Variants in PDGFRL observed in about 807,000 individuals in gnomAD.
PDGFRL encodes the protein platelet-derived growth factor receptor-like protein.
A neutral mutation model predicts 37.2 loss-of-function variants in PDGFRL; 46 were observed. The ratio of observed to expected loss-of-function variants is 1.24; its 90% CI spans 0.98 to 1.58. The LOEUF (loss-of-function observed/expected upper bound fraction) is 1.58, where lower values mean the gene tolerates loss of function less well. Among genes scored for constraint, PDGFRL ranks in the 40% most tolerant of loss-of-function variants. PDGFRL has a pLI of 0.00. For synonymous variants in PDGFRL, 251 were observed against 184.3 expected, an observed-to-expected ratio of 1.36 and a Z score of -2.93; for missense variants, 692 against 467.6, an observed-to-expected ratio of 1.48 and a Z score of -4.43.
chr8:17,642,756 T>C lies in PDGFRL; in HGVS notation c.1083T>C (p.Asn361=), dbSNP rs964422008. The change falls in exon 6 of 6, where the codon AAT becomes AAC. Residue 361 remains asparagine, a synonymous_variant. Transcript: ENST00000251630. ...GATATTACATTTGCACTGCTCAGAA[T>C]CTTCAAGGACAGACCACAGTAGCTA... The part of the protein sequence containing the change: ...DAGYYICTAQ[N]LQGQTTVATT... 1.9e-6 allele frequency: 3 copies of C among 1,611,588 alleles called. No homozygotes were observed. The highest frequency in any genetic ancestry group is 1.7e-6 in the Non-Finnish European group (2 of 1,177,770).
chr8:17,584,396 G>C lies in PDGFRL; in HGVS notation c.56-5072G>C, dbSNP rs555403714. Among the ~76,000 whole-genome samples the C allele has an allele frequency of 3.5e-3, 528 of 150,950 alleles. 3 individuals carry two copies. The highest frequency in any genetic ancestry group is 6.9e-3 in the Middle Eastern group (2 of 288). Reference sequence around the variant, plus strand: ...AGGATATTTAGATCTGGAGTGTAGAGGCGGGGTCAGGACAGGAGCTAGGGC... The same window carrying C: ...AGGATATTTAGATCTGGAGTGTAGACGCGGGGTCAGGACAGGAGCTAGGGC... On this transcript the variant is annotated intron_variant, in intron 1 of 5. Coordinates refer to ENST00000251630, the MANE Select transcript of PDGFRL (RefSeq NM_001372073.1).
At chr8:17,635,111 A>C (rs1804945754) in intron 5 of PDGFRL, among the ~76,000 whole-genome samples, 1 of 152,230 alleles carries the variant, frequency 6.6e-6, no homozygotes, top group African/African-American at 2.4e-5. Flanking sequence ...GGGGTCCTTC[A>C]GAGTGTTCTC....
At chr8:17,628,195 C>T (rs996815987) in intron 3 of PDGFRL, among the ~76,000 whole-genome samples, 5 of 151,444 alleles carry the variant, frequency 3.3e-5, no homozygotes, top group South Asian at 2.1e-4. Flanking sequence ...GGGGTTTCAC[C>T]GTGTTAGCCA....
At chr8:17,600,823 CCT>C (rs1804152095) in intron 2 of PDGFRL, among the ~76,000 whole-genome samples, 6 of 114,268 alleles carry the variant, frequency 5.3e-5, no homozygotes, top group African/African-American at 1.2e-4. Flanking sequence ...AACAAAAAAA[CCT>C]CTAAAAATTA....
At chr8:17,578,277 G>A (rs969231600) in intron 1 of PDGFRL, among the ~76,000 whole-genome samples, 1 of 152,116 alleles carries the variant, frequency 6.6e-6, no homozygotes, top group African/African-American at 2.4e-5. Context: ...CTTCATGCTG[G>A]AGCCAGCTCG....
intron 1 of PDGFRL, among the ~76,000 whole-genome samples, chr8:17,583,581 A>G (rs1283353341): frequency 6.6e-6 from 1 of 152,154 alleles, no homozygotes; most frequent in Non-Finnish European, 1.5e-5. Flanking sequence ...GTGCAATGCT[A>G]TGATTTGGAT....
At chr8:17,614,265 C>T (rs1197456851) in intron 2 of PDGFRL, among the ~76,000 whole-genome samples, 1 of 152,154 alleles carries the variant, frequency 6.6e-6, no homozygotes, top group Non-Finnish European at 1.5e-5. Context: ...GATCATCATG[C>T]ATATTTTTTC....
chr8:17,595,586 C>A (rs1301189240), intron 2 of PDGFRL, among the ~76,000 whole-genome samples: 1 of 152,192 alleles, frequency 6.6e-6, no homozygotes, highest in African/African-American at 2.4e-5. Flanking sequence ...CCAGGGCAGC[C>A]AGGGTCTCTG....
chr8:17,583,566 C>T (rs1456649956), intron 1 of PDGFRL, among the ~76,000 whole-genome samples: 1 of 152,096 alleles, frequency 6.6e-6, no homozygotes, highest in African/African-American at 2.4e-5. Context: ...TTTGGGGGGC[C>T]AGAGGTGCAA....
upstream of PDGFRL, chr8:17,577,077 A>G (rs1390908752): frequency 1.0e-6 from 1 of 963,920 alleles, no homozygotes; most frequent in Non-Finnish European, 1.5e-6. Context: ...CATTACACAG[A>G]GAACTAAAAA....
At position 17,637,899 on chromosome 8, in the gene PDGFRL, G is replaced by A. The variant is rs144043198; in HGVS notation, c.939+3686G>A. Among the ~76,000 whole-genome samples, 941 of 146,520 alleles carry A rather than the reference G, an allele frequency of 6.4e-3. 12 individuals are homozygous for A. Among genetic ancestry groups the A allele is most frequent in the African/African-American group, 0.022 (869 of 39,562 alleles). ...CTTGAATTATCTTTTGTATTTCTGT[G>A]GTATTGGTTGTAATATCTTGTTTCA... On this transcript the variant is annotated intron_variant, in intron 5 of 5. Coordinates refer to ENST00000251630, the MANE Select transcript of PDGFRL (RefSeq NM_001372073.1).
chr8:17,595,523 A>C (rs1804034127), intron 2 of PDGFRL, among the ~76,000 whole-genome samples: 1 of 152,194 alleles, frequency 6.6e-6, no homozygotes, highest in Non-Finnish European at 1.5e-5. Context: ...CAGCCTCCTG[A>C]GAACTCTCCT....
chr8:17,623,145 A>G (rs899709035), intron 3 of PDGFRL, among the ~76,000 whole-genome samples: 5 of 152,186 alleles, frequency 3.3e-5, no homozygotes, highest in Non-Finnish European at 5.9e-5. Flanking sequence ...CTGAGCCTCA[A>G]TGTTCCAGGA....
chr8:17,613,451 G>A (rs1221729920), intron 2 of PDGFRL, among the ~76,000 whole-genome samples: 1 of 152,172 alleles, frequency 6.6e-6, no homozygotes, highest in Non-Finnish European at 1.5e-5. Context: ...TCGCAGTATG[G>A]CGGGCAGAGT....
At chr8:17,581,523 G>A (rs897445364) in intron 1 of PDGFRL, among the ~76,000 whole-genome samples, 2 of 152,176 alleles carry the variant, frequency 1.3e-5, no homozygotes, top group Non-Finnish European at 2.9e-5. Flanking sequence ...CCATGTGGTG[G>A]TGGTGGTGGG....
At chr8:17,594,550 A>T (rs1170696383) in intron 2 of PDGFRL, among the ~76,000 whole-genome samples, 1 of 137,006 alleles carries the variant, frequency 7.3e-6, no homozygotes, top group Non-Finnish European at 1.6e-5. Flanking sequence ...CCTATACTAC[A>T]TTTATTTTGT....
At chr8:17,582,083 C>T (rs969690840) in intron 1 of PDGFRL, among the ~76,000 whole-genome samples, 2 of 152,132 alleles carry the variant, frequency 1.3e-5, no homozygotes. Flanking sequence ...CAGTAAAGTT[C>T]ATGCTGACAA....
chr8:17,635,551 A>C (rs7012166), intron 5 of PDGFRL, among the ~76,000 whole-genome samples: 122,918 of 152,182 alleles, frequency 0.81, 50,874 homozygotes, highest in Non-Finnish European at 0.91. Flanking sequence ...AGCTGGTTCC[A>C]TATTTTTGCA....
chr8:17,608,538 C>T (rs554465159), intron 2 of PDGFRL, among the ~76,000 whole-genome samples: 2 of 152,146 alleles, frequency 1.3e-5, no homozygotes, highest in Admixed American at 1.3e-4. Context: ...CATACAAGAG[C>T]CGGAGGGGTG....
Sources: allele counts gnomAD v4.1 joint callset (sites outside exome capture counted in the v4.1 genomes callset), GRCh38; gene constraint gnomAD v4.1.1; transcripts MANE v1.5; gene names NCBI Gene and HGNC (gene_info 2026-07-23, HGNC 2026-07-21).